EPC2: variants seen among roughly 807,000 people sequenced by gnomAD.
EPC2 encodes the protein enhancer of polycomb homolog 2.
EPC2 carries 14 observed loss-of-function variants against 92.1 expected under a neutral mutation model. The ratio of observed to expected loss-of-function variants is 0.15; its 90% CI spans 0.10 to 0.24. The LOEUF (loss-of-function observed/expected upper bound fraction) is 0.24, where lower values mean the gene tolerates loss of function less well. Ranked by LOEUF, EPC2 falls within the 10% of genes least tolerant of loss-of-function variation. The probability of loss-of-function intolerance (pLI) is 1.00; values close to 1 mark genes in which losing one functional copy is unlikely to be tolerated. For missense variants in EPC2, 755 were observed against 971.5 expected, an observed-to-expected ratio of 0.78 and a Z score of 2.96; for synonymous variants, 340 against 334.7, an observed-to-expected ratio of 1.02 and a Z score of -0.17.
At chr2:148,696,398 A>G (rs752282919) in intron 2 of EPC2, among the ~76,000 whole-genome samples, 5 of 152,224 alleles carry the variant, frequency 3.3e-5, no homozygotes, top group Non-Finnish European at 5.9e-5. Context: ...CCTTCAGGCT[A>G]TGTGCATTTA....
At chr2:148,783,520 T>A (rs759574811) in intron 11 of EPC2, 77 bp from the exon 12 acceptor site, 16 of 1,378,034 alleles carry the variant, frequency 1.2e-5, no homozygotes, top group Non-Finnish European at 1.5e-5. Flanking sequence ...AACAGCCTCT[T>A]GGGTTTGCCC....
At chr2:148,741,452 A>G (rs1225148400) in intron 2 of EPC2, among the ~76,000 whole-genome samples, 1 of 152,146 alleles carries the variant, frequency 6.6e-6, no homozygotes, top group East Asian at 1.9e-4. Context: ...TTATAAAGCA[A>G]ATGCCTTTAG....
intron 1 of EPC2, among the ~76,000 whole-genome samples, chr2:148,653,145 G>T (rs1387906523): frequency 6.6e-6 from 1 of 152,198 alleles, no homozygotes; most frequent in East Asian, 1.9e-4. Context: ...AGACAGGCAG[G>T]ATAGCAATCC....
intron 2 of EPC2, among the ~76,000 whole-genome samples, chr2:148,710,868 G>A (rs941338170): frequency 6.6e-6 from 1 of 152,010 alleles, no homozygotes; most frequent in African/African-American, 2.4e-5. Context: ...AGTGGGGAGG[G>A]ATGGCATTAG....
chr2:148,715,724 A>G (rs1180884128), intron 2 of EPC2, among the ~76,000 whole-genome samples: 2 of 152,168 alleles, frequency 1.3e-5, no homozygotes, highest in Admixed American at 6.5e-5. Flanking sequence ...TTGGTTCCAT[A>G]TGAATTTTAA....
At chr2:148,706,940 C>G (rs1039069963) in intron 2 of EPC2, among the ~76,000 whole-genome samples, 3 of 152,168 alleles carry the variant, frequency 2.0e-5, no homozygotes, top group African/African-American at 7.2e-5. Context: ...ACTGCATCAA[C>G]TAATGGGCAA....
At chr2:148,664,723 A>G (rs1559141341) in intron 1 of EPC2, among the ~76,000 whole-genome samples, 1 of 152,084 alleles carries the variant, frequency 6.6e-6, no homozygotes, top group Non-Finnish European at 1.5e-5. Flanking sequence ...ATTTTATATA[A>G]ATGGAATCAC....
chr2:148,703,450 T>TG (rs1487569500), intron 2 of EPC2, among the ~76,000 whole-genome samples: 1 of 152,122 alleles, frequency 6.6e-6, no homozygotes, highest in Non-Finnish European at 1.5e-5. Flanking sequence ...TGGTTTTTTT[T>TG]TGTTCTAAAG....
At chr2:148,679,720 A>G (rs1392810097) in intron 1 of EPC2, among the ~76,000 whole-genome samples, 1 of 152,140 alleles carries the variant, frequency 6.6e-6, no homozygotes, top group Non-Finnish European at 1.5e-5. Flanking sequence ...GTCACAGCTC[A>G]CTGCAGCCTC....
chr2:148,731,984 A>G (rs1467139535), intron 2 of EPC2, among the ~76,000 whole-genome samples: 1 of 152,168 alleles, frequency 6.6e-6, no homozygotes, highest in Non-Finnish European at 1.5e-5. Flanking sequence ...AATTGGTAAG[A>G]TTTATAAACA....
chr2:148,762,324 T>C (rs1381142900), intron 5 of EPC2: 1 of 188,482 alleles, frequency 5.3e-6, no homozygotes, highest in East Asian at 1.5e-4. Context: ...TTTAGAAATG[T>C]GTGCTCTAAT....
chr2:148,682,336 C>T (rs985766780), intron 1 of EPC2, among the ~76,000 whole-genome samples: 1 of 152,172 alleles, frequency 6.6e-6, no homozygotes, highest in Non-Finnish European at 1.5e-5. Context: ...ACACTCCCAC[C>T]AACAGTGTAA....
chr2:148,741,477 T>A (rs1335214291), intron 2 of EPC2, among the ~76,000 whole-genome samples: 1 of 152,186 alleles, frequency 6.6e-6, no homozygotes, highest in Non-Finnish European at 1.5e-5. Context: ...TTTAACTTCA[T>A]CAGTACTATC....
chr2:148,676,630 C>T (rs976585750), intron 1 of EPC2, among the ~76,000 whole-genome samples: 5 of 151,638 alleles, frequency 3.3e-5, no homozygotes, highest in African/African-American at 1.2e-4. Context: ...TATTTTATAA[C>T]CTGCTTGTTT....
intron 3 of EPC2, among the ~76,000 whole-genome samples, chr2:148,748,831 G>C (rs1056662366): frequency 1.3e-5 from 2 of 152,058 alleles, no homozygotes; most frequent in East Asian, 3.9e-4. Flanking sequence ...AATTGATTTT[G>C]GAGCATTTCA....
At chr2:148,655,710 A>C (rs1371915701) in intron 1 of EPC2, among the ~76,000 whole-genome samples, 1 of 152,096 alleles carries the variant, frequency 6.6e-6, no homozygotes, top group Admixed American at 6.5e-5. Context: ...GAGGTTCAGA[A>C]ATCTTCAGGA....
chr2:148,718,613 G>A (rs1376114319), intron 2 of EPC2, among the ~76,000 whole-genome samples: 3 of 152,194 alleles, frequency 2.0e-5, no homozygotes, highest in Non-Finnish European at 4.4e-5. Flanking sequence ...TCTGTTGTTA[G>A]TCTGATGGGC....
At chr2:148,646,358 C>T (rs1348212464) in intron 1 of EPC2, among the ~76,000 whole-genome samples, 2 of 152,268 alleles carry the variant, frequency 1.3e-5, no homozygotes, top group Admixed American at 6.5e-5. Context: ...CTTATTTAAT[C>T]ACATTTCTCT....
chr2:148,766,941 T>A (rs963442304), intron 7 of EPC2, among the ~76,000 whole-genome samples: 1 of 152,132 alleles, frequency 6.6e-6, no homozygotes, highest in African/African-American at 2.4e-5. Flanking sequence ...CCCAGCACTT[T>A]GGGAAGCCGA....
Sources: allele counts gnomAD v4.1 joint callset (sites outside exome capture counted in the v4.1 genomes callset), GRCh38; gene constraint gnomAD v4.1.1; transcripts MANE v1.5; gene names NCBI Gene and HGNC (gene_info 2026-07-23, HGNC 2026-07-21).